The following DNAAF11 variants were observed in gnomAD, a reference collection of about 807,000 sequenced individuals.
The protein encoded by DNAAF11 is dynein axonemal assembly factor 11, also known as leucine rich repeat containing 6.
DNAAF11 carries 45 observed loss-of-function variants against 60.8 expected under a neutral mutation model. That is an observed-to-expected ratio of 0.74 (90% CI 0.58 to 0.95). The LOEUF (loss-of-function observed/expected upper bound fraction) is 0.95. DNAAF11 is among the 40% of genes least tolerant of loss of function. The pLI, the probability that DNAAF11 is intolerant of heterozygous loss-of-function variation, is 0.00. For synonymous variants in DNAAF11, 191 were observed against 183.5 expected (o/e 1.04, Z -0.33); for missense variants, 546 against 546.2 (o/e 1.00, Z 0.00).
At chr8:132,579,666 T>C (rs961624807) in intron 11 of DNAAF11, among the ~76,000 whole-genome samples, 1 of 152,028 alleles carries the variant, frequency 6.6e-6, no homozygotes, top group Non-Finnish European at 1.5e-5. Flanking sequence ...CCAAGGTCAC[T>C]CAGATGGTTC....
intron 10 of DNAAF11, among the ~76,000 whole-genome samples, chr8:132,604,005 G>T (rs1209973937): frequency 1.3e-5 from 2 of 152,174 alleles, no homozygotes; most frequent in Non-Finnish European, 2.9e-5. Context: ...ATGCAGATAG[G>T]TTGGTAGCCA....
chr8:132,658,153 C>T (rs1823764555), intron 2 of DNAAF11, among the ~76,000 whole-genome samples: 1 of 152,086 alleles, frequency 6.6e-6, no homozygotes, highest in Non-Finnish European at 1.5e-5. Context: ...TAGACCTGAA[C>T]ATAACAGTTC....
At chr8:132,667,090 T>C (rs1433271440) in intron 1 of DNAAF11, among the ~76,000 whole-genome samples, 1 of 152,172 alleles carries the variant, frequency 6.6e-6, no homozygotes, top group African/African-American at 2.4e-5. Context: ...TTTGAGTCCA[T>C]TGTAAAGAGC....
At chr8:132,625,173 TA>T in intron 6 of DNAAF11, 98 bp downstream of exon 6, 1 of 888,742 alleles carries the variant, frequency 1.1e-6, no homozygotes, top group Non-Finnish European at 1.7e-6. Flanking sequence ...ATACAAGTGC[TA>T]AAGGTTTAAC....
intron 7 of DNAAF11, among the ~76,000 whole-genome samples, chr8:132,617,132 C>G (rs1348776263): frequency 6.6e-6 from 1 of 152,090 alleles, no homozygotes; most frequent in Non-Finnish European, 1.5e-5. Flanking sequence ...ACTATATATT[C>G]TTAACAACAT....
chr8:132,611,262 G>C (rs763107619), intron 9 of DNAAF11, 32 bp downstream of exon 9: 1 of 1,504,544 alleles, frequency 6.6e-7, no homozygotes, highest in Non-Finnish European at 9.2e-7. Flanking sequence ...CTTAGCTTTT[G>C]AAATTGTAAT....
chr8:132,582,267 T>C (rs1000497551), intron 11 of DNAAF11, among the ~76,000 whole-genome samples: 3 of 152,204 alleles, frequency 2.0e-5, no homozygotes, highest in Non-Finnish European at 4.4e-5. Flanking sequence ...GTGATTGTGG[T>C]GTGATCCTTT....
In DNAAF11 at chr8:132,658,303, T is replaced by C. The variant is rs1361185399; in HGVS notation, c.179-1396A>G. On this transcript the variant is annotated intron_variant, in intron 2 of 11. Coordinates refer to ENST00000620350, the MANE Select transcript of DNAAF11 (RefSeq NM_012472.6). ...TCTTTAGAAACATCTGAGCATTCAA[T>C]AGTCAAAGATTTGGAGGTTTCTTTT... 2.0e-5 allele frequency among the ~76,000 whole-genome samples: 3 copies of C among 152,146 alleles called. 1 individual carries two copies.
intron 11 of DNAAF11, among the ~76,000 whole-genome samples, chr8:132,582,874 A>G (rs1476288523): frequency 6.6e-6 from 1 of 152,230 alleles, no homozygotes; most frequent in Non-Finnish European, 1.5e-5. Flanking sequence ...AATCATAAGA[A>G]GCAGAAGGAC....
intron 1 of DNAAF11, 82 bp downstream of exon 1, chr8:132,675,402 A>T: frequency 6.9e-7 from 1 of 1,451,280 alleles, no homozygotes; most frequent in East Asian, 2.6e-5. Flanking sequence ...GCAGGGCGGG[A>T]GCGGGCGGCG....
At chr8:132,598,303 C>T (rs555917744) in intron 10 of DNAAF11, among the ~76,000 whole-genome samples, 88 of 152,240 alleles carry the variant, frequency 5.8e-4, no homozygotes, top group African/African-American at 2.0e-3. Flanking sequence ...CTAATGACCC[C>T]AATCTAGTGT....
intron 10 of DNAAF11, among the ~76,000 whole-genome samples, chr8:132,606,747 T>A (rs1818178674): frequency 6.6e-6 from 1 of 152,180 alleles, no homozygotes. Flanking sequence ...GCTCCTGGGC[T>A]CCTGCCCCAA....
At position 132,629,434 on chromosome 8, in the gene DNAAF11, G is replaced by A. The variant is rs554264193; in HGVS notation, c.653+3306C>T. Among the ~76,000 whole-genome samples the A allele has an allele frequency of 2.7e-4, 41 of 150,242 alleles. 1 individual carries two copies. The highest frequency in any genetic ancestry group is 7.4e-4 in the African/African-American group (30 of 40,724). ...CCAATCTCGGCTCACTGCAAGCTCC[G>A]CCTCCTGGGTTCATGCCATTCTCCG... On this transcript the variant is annotated intron_variant, in intron 5 of 11. Coordinates refer to ENST00000620350, the MANE Select transcript of DNAAF11 (RefSeq NM_012472.6).
At chr8:132,591,939 G>T (rs1563986285) in intron 10 of DNAAF11, among the ~76,000 whole-genome samples, 1 of 152,042 alleles carries the variant, frequency 6.6e-6, no homozygotes, top group East Asian at 1.9e-4. Context: ...TTTAAAGAAT[G>T]AAAGTAGATA....
In DNAAF11 at chr8:132,666,530, C is replaced by T. The variant is rs1184633635; in HGVS notation, c.11-4903G>A. On this transcript the variant is annotated intron_variant, in intron 1 of 11. Transcript: ENST00000620350. ...GGCAGTGACAACAGTGCAGGATGAG[C>T]TTGAGAGAAGAGCTGGATACCATGA... Among the ~76,000 whole-genome samples the T allele has an allele frequency of 2.6e-5, 4 of 152,148 alleles. No individual in the cohort carries two copies. In the East Asian group the frequency reaches 5.8e-4, roughly 22 times the overall value.
At chr8:132,674,121 G>GAAGAGGAGGAGGAGA (rs1825480631) in intron 1 of DNAAF11, among the ~76,000 whole-genome samples, 1 of 99,580 alleles carries the variant, frequency 1.0e-5, no homozygotes. Context: ...GCAGGAGGAG[G>GAAGAGGAGGAGGAGA]AGGAGGAGGA....
upstream of DNAAF11, chr8:132,675,566 G>A (rs1825721121): frequency 3.5e-6 from 5 of 1,424,774 alleles, no homozygotes; most frequent in Non-Finnish European, 4.7e-6. Context: ...CTTCACCCCT[G>A]CTCCTCAGCG....
intron 3 of DNAAF11, among the ~76,000 whole-genome samples, chr8:132,650,469 T>A (rs181981467): frequency 3.3e-4 from 51 of 152,268 alleles, no homozygotes; most frequent in African/African-American, 1.2e-3. Flanking sequence ...TATACATATG[T>A]AACAAACCTG....
chr8:132,668,453 CT>C (rs112141008), intron 1 of DNAAF11, among the ~76,000 whole-genome samples: 113 of 147,570 alleles, frequency 7.7e-4, no homozygotes, highest in South Asian at 1.3e-3. Context: ...TGAGCTGAAT[CT>C]TTTTTTTTTT....
Sources: gnomAD v4.1 joint callset for allele counts (sites outside exome capture counted in the v4.1 genomes callset) on GRCh38, gnomAD v4.1.1 for gene constraint, MANE v1.5 for transcripts, NCBI Gene and HGNC (gene_info 2026-07-23, HGNC 2026-07-21) for gene names.